NHSL1: variants seen among roughly 807,000 people sequenced by gnomAD.
NHSL1 encodes the protein NHS-like protein 1.
NHSL1 carries 48 observed loss-of-function variants against 95.0 expected under a neutral mutation model. The observed-to-expected ratio is 0.51, with a 90% CI of 0.40 to 0.64. The LOEUF (loss-of-function observed/expected upper bound fraction) is 0.64, where lower values mean the gene tolerates loss of function less well. Ranked by LOEUF, NHSL1 falls within the 30% of genes least tolerant of loss-of-function variation. The pLI is 0.00. For synonymous variants in NHSL1, 783 were observed against 833.9 expected (o/e 0.94, Z 1.05); for missense variants, 1,971 against 2,077.7 (o/e 0.95, Z 1.00).
At chr6:138,437,355 T>TACAC (rs376803505) in intron 5 of NHSL1, among the ~76,000 whole-genome samples, 1 of 28,892 alleles carries the variant, frequency 3.5e-5, no homozygotes, top group African/African-American at 1.5e-4. Context: ...CATATATATA[T>TACAC]ACACATATAT....
upstream of NHSL1, among the ~76,000 whole-genome samples, chr6:138,574,723 T>C (rs1161989408): frequency 4.0e-5 from 6 of 151,352 alleles, no homozygotes; most frequent in Admixed American, 3.9e-4. Context: ...ATGGTGGTAC[T>C]TGCCTGTGGT....
intron 3 of NHSL1, among the ~76,000 whole-genome samples, chr6:138,465,144 C>T (rs550369055): frequency 6.6e-6 from 1 of 151,940 alleles, no homozygotes; most frequent in Non-Finnish European, 1.5e-5. Flanking sequence ...TCACTCACCA[C>T]ACTCACTGAG....
intron 1 of NHSL1, among the ~76,000 whole-genome samples, chr6:138,599,925 TGAG>T (rs1730616176): frequency 6.6e-6 from 1 of 152,078 alleles, no homozygotes; most frequent in African/African-American, 2.4e-5. Flanking sequence ...GTGGATCACC[TGAG>T]GTCAGGAGTT....
At chr6:138,521,896 G>C (rs1039770437) in intron 1 of NHSL1, among the ~76,000 whole-genome samples, 7 of 152,206 alleles carry the variant, frequency 4.6e-5, no homozygotes, top group Non-Finnish European at 7.3e-5. Context: ...TCAAGGGAAA[G>C]AGGGCAGGAA....
At chr6:138,463,860 C>T (rs950411561) in intron 3 of NHSL1, among the ~76,000 whole-genome samples, 2 of 152,084 alleles carry the variant, frequency 1.3e-5, no homozygotes, top group Admixed American at 6.6e-5. Context: ...AAATGGCAGT[C>T]CTGTTGCTCT....
chr6:138,651,031 A>C (rs1785085463), intron 1 of NHSL1: 1 of 408,826 alleles, frequency 2.4e-6, no homozygotes, highest in Non-Finnish European at 4.7e-6. Flanking sequence ...CATCGTAACA[A>C]AGTTCTTCTA....
At chr6:138,625,514 G>A (rs1343598353) in intron 1 of NHSL1, among the ~76,000 whole-genome samples, 1 of 151,768 alleles carries the variant, frequency 6.6e-6, no homozygotes, top group Non-Finnish European at 1.5e-5. Flanking sequence ...ACTCCTTACT[G>A]GGTAACTACT....
In NHSL1 at chr6:138,424,628, T is replaced by A. The variant is rs991646652; in HGVS notation, c.4274A>T (p.Lys1425Ile). ...GCTGGTGTCTGAACGACTGCCCTTT[T>A]TCAGCAGCAGAGCTTTGAAGTTGTC... is the stretch of plus-strand genomic sequence containing the variant. ...SSDNFKALLL[K>I]KGSRSDTSAR... The change falls in exon 8 of 8, where the codon AAA becomes ATA. Residue 1425 changes from lysine (K) to isoleucine (I), a missense_variant. This residue lies in a region of NHSL1 where 146 missense variants were observed against 206.3 expected (regional missense o/e 0.71). Transcript: ENST00000343505. This position sits in a 1 kb window ranked among gnomAD's most constrained non-coding sequence, Gnocchi z 5.9. 3 of 1,551,610 alleles carry A rather than the reference T, an allele frequency of 1.9e-6. No individual in the cohort carries two copies. The highest frequency in any genetic ancestry group is 2.6e-6 in the Non-Finnish European group (3 of 1,146,976).
chr6:138,448,780 C>T (rs1399490816), intron 3 of NHSL1, among the ~76,000 whole-genome samples: 2 of 152,180 alleles, frequency 1.3e-5, no homozygotes, highest in East Asian at 1.9e-4. Flanking sequence ...AGGCCAGGCA[C>T]GATGGCTCAC....
upstream of NHSL1, among the ~76,000 whole-genome samples, chr6:138,548,698 T>G (rs1473039983): frequency 6.6e-6 from 1 of 152,192 alleles, no homozygotes; most frequent in Non-Finnish European, 1.5e-5. Context: ...CTCAATAATT[T>G]TTTATTTTTG....
intron 5 of NHSL1, among the ~76,000 whole-genome samples, chr6:138,440,172 A>G (rs1258598435): frequency 6.6e-6 from 1 of 152,184 alleles, no homozygotes; most frequent in Non-Finnish European, 1.5e-5. Context: ...ATCTCCTAAA[A>G]AGACCAGTTA....
intron 7 of NHSL1, among the ~76,000 whole-genome samples, chr6:138,429,172 A>C (rs980130411): frequency 4.6e-5 from 7 of 152,218 alleles, no homozygotes; most frequent in African/African-American, 1.4e-4. Flanking sequence ...GTATATTAAC[A>C]AGCATAAGTC....
chr6:138,423,766 T>A lies in NHSL1; in HGVS notation c.*315A>T, dbSNP rs567114886. On this transcript the variant is annotated 3_prime_UTR_variant, in exon 8 of 8. Transcript: ENST00000343505. The stretch of plus-strand genomic sequence containing the variant: ...GTTGTTTGTGTATATGTGTATTTTT[T>A]AAAAATTAAAAAGTGTGGAAAATGC... The A allele has an allele frequency of 6.0e-5, 13 of 215,768 alleles. No individual in the cohort carries two copies. Among genetic ancestry groups the A allele is most frequent in the African/African-American group, 1.7e-4 (6 of 34,828 alleles). 13.4% of individuals were successfully genotyped at this position (215,768 alleles called of 1,614,324 possible). A position where few individuals can be genotyped will look rare whatever the true frequency, so the allele number is the denominator to read the frequency against.
At chr6:138,429,993 A>G (rs1414609498) in intron 6 of NHSL1, 150 bp from the exon 7 acceptor site, 22 of 780,526 alleles carry the variant, frequency 2.8e-5, no homozygotes, top group Non-Finnish European at 4.0e-5. Context: ...TAGTTTACAA[A>G]GAAGGGAGGA....
chr6:138,673,259 C>G (rs931871181), intron 1 of NHSL1, among the ~76,000 whole-genome samples: 2 of 149,766 alleles, frequency 1.3e-5, no homozygotes, highest in African/African-American at 2.5e-5. Context: ...ATGAGAAAGT[C>G]TGAGGAATTT....
chr6:138,546,844 C>G (rs920848507), upstream of NHSL1, among the ~76,000 whole-genome samples: 1 of 152,190 alleles, frequency 6.6e-6, no homozygotes, highest in Non-Finnish European at 1.5e-5. Context: ...ACTGTGGACT[C>G]TCAAACACAG....
At chr6:138,555,324 G>A (rs760588152) in intron 1 of NHSL1, among the ~76,000 whole-genome samples, 2 of 152,092 alleles carry the variant, frequency 1.3e-5, no homozygotes, top group African/African-American at 4.8e-5. Flanking sequence ...TCTATTTAAT[G>A]CATCTTTGTA....
intron 2 of NHSL1, among the ~76,000 whole-genome samples, chr6:138,490,845 G>C (rs1024324423): frequency 6.6e-6 from 1 of 152,154 alleles, no homozygotes; most frequent in Non-Finnish European, 1.5e-5. Flanking sequence ...TGTTGGCCAG[G>C]ATGGTATCTA....
intron 7 of NHSL1, among the ~76,000 whole-genome samples, chr6:138,426,028 G>A (rs1417716263): frequency 6.6e-6 from 1 of 152,184 alleles, no homozygotes; most frequent in East Asian, 1.9e-4. Context: ...TGTTCAATGT[G>A]CTTTCCATTG....
Sources: allele counts gnomAD v4.1 joint callset (sites outside exome capture counted in the v4.1 genomes callset), GRCh38; gene constraint gnomAD v4.1.1; regional missense constraint gnomAD v4.1.1; non-coding constraint Gnocchi (gnomAD v3.1); transcripts MANE v1.5; gene names NCBI Gene and HGNC (gene_info 2026-07-23, HGNC 2026-07-21).